The following ARHGAP42 variants were observed in gnomAD, a reference collection of about 807,000 sequenced individuals.
ARHGAP42 encodes the protein Rho GTPase activating protein 42.
A neutral mutation model predicts 125.0 loss-of-function variants in ARHGAP42; 63 were observed. The ratio of observed to expected loss-of-function variants is 0.50; its 90% CI spans 0.41 to 0.62. The LOEUF is 0.62. ARHGAP42 is among the 20% of genes least tolerant of loss of function. The pLI, the probability that ARHGAP42 is intolerant of heterozygous loss-of-function variation, is 0.00. For synonymous variants in ARHGAP42, 339 were observed against 351.0 expected (o/e 0.97, Z 0.38); for missense variants, 766 against 1,024.2 (o/e 0.75, Z 3.44).
At chr11:100,888,685 C>T (rs540956061) in intron 4 of ARHGAP42, among the ~76,000 whole-genome samples, 2 of 152,182 alleles carry the variant, frequency 1.3e-5, no homozygotes, top group Admixed American at 1.3e-4. Context: ...ATAATTGATT[C>T]TAATACTCTT....
chr11:100,908,031 CTG>C (rs1169322551), intron 4 of ARHGAP42, among the ~76,000 whole-genome samples: 5 of 152,088 alleles, frequency 3.3e-5, no homozygotes, highest in Non-Finnish European at 7.3e-5. Flanking sequence ...AATACTGAGA[CTG>C]TTGAAAATAT....
chr11:100,873,283 G>A (rs576978835), intron 4 of ARHGAP42, among the ~76,000 whole-genome samples: 22 of 152,212 alleles, frequency 1.4e-4, no homozygotes, highest in Admixed American at 2.6e-4. Context: ...AGAATGAACC[G>A]CATTAAGAAA....
At chr11:100,817,189 T>C (rs1207913669) in intron 3 of ARHGAP42, among the ~76,000 whole-genome samples, 3 of 152,184 alleles carry the variant, frequency 2.0e-5, no homozygotes, top group Non-Finnish European at 2.9e-5. Flanking sequence ...TGTTGTAGGA[T>C]ATTTAGCGGC....
intron 1 of ARHGAP42, among the ~76,000 whole-genome samples, chr11:100,688,319 T>G (rs1861125670): frequency 6.6e-6 from 1 of 152,204 alleles, no homozygotes; most frequent in Non-Finnish European, 1.5e-5. Flanking sequence ...TTAAAAAGCA[T>G]ACATTTGCAG....
At chr11:100,911,152 A>G (rs1385091569) in intron 4 of ARHGAP42, among the ~76,000 whole-genome samples, 1 of 152,172 alleles carries the variant, frequency 6.6e-6, no homozygotes, top group Non-Finnish European at 1.5e-5. Flanking sequence ...CTGGTTGCTC[A>G]CTTAGTGGAT....
At chr11:100,781,237 C>T (rs1863303340) in intron 2 of ARHGAP42, among the ~76,000 whole-genome samples, 1 of 151,032 alleles carries the variant, frequency 6.6e-6, no homozygotes, top group Non-Finnish European at 1.5e-5. Flanking sequence ...GGATCTTTCT[C>T]TTACTTTCTT....
chr11:100,766,063 T>C (rs1453161017), intron 1 of ARHGAP42, among the ~76,000 whole-genome samples: 1 of 152,226 alleles, frequency 6.6e-6, no homozygotes, highest in Non-Finnish European at 1.5e-5. Context: ...TAGTGTTTCA[T>C]TAGCATCATC....
At chr11:100,777,499 A>G (rs1863159911) in intron 2 of ARHGAP42, among the ~76,000 whole-genome samples, 1 of 152,178 alleles carries the variant, frequency 6.6e-6, no homozygotes, top group Non-Finnish European at 1.5e-5. Flanking sequence ...TACTTTGAAG[A>G]TGCGTCTGTT....
At chr11:100,973,463 CTTG>C (rs1259101581) in intron 18 of ARHGAP42, 129 bp downstream of exon 18, 15 of 969,930 alleles carry the variant, frequency 1.5e-5, no homozygotes, top group African/African-American at 6.7e-5. Context: ...GTTTTCTTTC[CTTG>C]TTGTTTTTAA....
intron 2 of ARHGAP42, among the ~76,000 whole-genome samples, chr11:100,789,135 TAAG>T (rs904404940): frequency 3.3e-5 from 5 of 152,202 alleles, no homozygotes; most frequent in African/African-American, 7.2e-5. Flanking sequence ...AAATGTCAGT[TAAG>T]AAGGATACTA....
At position 100,784,274 on chromosome 11, in the gene ARHGAP42, C is replaced by T. The variant is rs540840668; in HGVS notation, c.251-10831C>T. ...TACCTTATGGCCACATCATGGGGGC[C>T]TCAAATTATTTGCAGTTTGGAGTTT... On this transcript the variant is annotated intron_variant, in intron 2 of 23. Coordinates refer to ENST00000298815, the MANE Select transcript of ARHGAP42 (RefSeq NM_152432.4). Among the ~76,000 whole-genome samples, 38 of 152,256 alleles carry T rather than the reference C, an allele frequency of 2.5e-4. No homozygotes were observed. The South Asian group carries it at 7.5e-3, about 30-fold the overall frequency.
chr11:100,716,454 T>C (rs1450096974), intron 1 of ARHGAP42, among the ~76,000 whole-genome samples: 1 of 152,200 alleles, frequency 6.6e-6, no homozygotes, highest in Non-Finnish European at 1.5e-5. Flanking sequence ...GATAATGAAA[T>C]TGAGTACTTC....
intron 3 of ARHGAP42, among the ~76,000 whole-genome samples, chr11:100,811,798 C>T (rs530758107): frequency 1.1e-4 from 17 of 152,186 alleles, no homozygotes; most frequent in Admixed American, 8.5e-4. Context: ...CTGAGCCCAG[C>T]CCGGATGTCT....
chr11:100,814,934 C>T (rs1420413623), intron 3 of ARHGAP42, among the ~76,000 whole-genome samples: 2 of 152,186 alleles, frequency 1.3e-5, no homozygotes, highest in Non-Finnish European at 2.9e-5. Flanking sequence ...TTCTTCCATT[C>T]GTCACTTGAC....
chr11:100,959,389 C>T (rs1026843641), intron 12 of ARHGAP42, among the ~76,000 whole-genome samples: 13 of 152,056 alleles, frequency 8.5e-5, no homozygotes, highest in Admixed American at 5.3e-4. Flanking sequence ...GAATCAGACC[C>T]GAGTTTGAAT....
At chr11:100,725,967 G>A (rs1391349710) in intron 1 of ARHGAP42, among the ~76,000 whole-genome samples, 26 of 150,500 alleles carry the variant, frequency 1.7e-4, no homozygotes, top group African/African-American at 5.9e-4. Flanking sequence ...GCATGGTGGT[G>A]CGTACCTGTA....
At chr11:100,840,442 A>G (rs956640977) in intron 3 of ARHGAP42, 1 of 152,234 alleles carries the variant, frequency 6.6e-6, no homozygotes, top group African/African-American at 2.4e-5. Context: ...GGGGCTTGAT[A>G]TTCAATGAGT....
In ARHGAP42 at chr11:100,902,086, A is replaced by G. The variant is rs1866567911; in HGVS notation, c.385-11366A>G. Among the ~76,000 whole-genome samples the G allele has an allele frequency of 2.0e-5, 3 of 152,190 alleles. No individual in the cohort carries two copies. The South Asian group carries it at 6.2e-4, about 32-fold the overall frequency. On this transcript the variant is annotated intron_variant, in intron 4 of 23. Coordinates refer to ENST00000298815, the MANE Select transcript of ARHGAP42 (RefSeq NM_152432.4). ...TTTAATAAAACTAGCAGAAAAGGGGATTCCATAAGCAGATATTCAGTCAAA... is the reference window on the plus strand; with the variant it reads ...TTTAATAAAACTAGCAGAAAAGGGGGTTCCATAAGCAGATATTCAGTCAAA...
rs1245658829 is a variant in ARHGAP42, at chr11:100,724,592, G to T, written c.154+36760G>T. ...TTTCATCTAAGTTTTCATATTGTAG[G>T]CATAGAGTTGTTTATAGTATTTCTT... On this transcript the variant is annotated intron_variant, in intron 1 of 23. Transcript: ENST00000298815. Among the ~76,000 whole-genome samples, 4 of 151,988 alleles carry T rather than the reference G, an allele frequency of 2.6e-5. No individual in the cohort carries two copies. In the East Asian group the frequency reaches 7.7e-4, roughly 29 times the overall value.
Sources: allele counts gnomAD v4.1 joint callset (sites outside exome capture counted in the v4.1 genomes callset), GRCh38; gene constraint gnomAD v4.1.1; transcripts MANE v1.5; gene names NCBI Gene and HGNC (gene_info 2026-07-23, HGNC 2026-07-21).